Variants in FOCAD observed in about 807,000 individuals in gnomAD.
FOCAD encodes focadhesin, also known as KIAA1797.
A neutral mutation model predicts 225.6 loss-of-function variants in FOCAD; 198 were observed. That is an observed-to-expected ratio of 0.88 (90% confidence interval 0.78 to 0.99). The LOEUF is 0.99. Among genes scored for constraint, FOCAD ranks in the 50% least tolerant of loss-of-function variants. The pLI is 0.00. For missense variants in FOCAD, 2,713 were observed against 2,123.6 expected, an observed-to-expected ratio of 1.28 and a Z score of -5.46; for synonymous variants, 897 against 755.0, an observed-to-expected ratio of 1.19 and a Z score of -3.08.
At chr9:20,805,666 A>G (rs1348330793) in intron 11 of FOCAD, among the ~76,000 whole-genome samples, 3 of 152,306 alleles carry the variant, frequency 2.0e-5, no homozygotes, top group East Asian at 1.9e-4. Context: ...GTGAATAAGC[A>G]TATAAATTCT....
chr9:20,695,747 T>C (rs531987714), intron 1 of FOCAD, among the ~76,000 whole-genome samples: 30 of 152,346 alleles, frequency 2.0e-4, no homozygotes, highest in African/African-American at 6.3e-4. Context: ...GGGATAAGTA[T>C]GGCTTAGAGG....
At chr9:20,662,646 G>A (rs952370655) in intron 2 of FOCAD, among the ~76,000 whole-genome samples, 4 of 151,534 alleles carry the variant, frequency 2.6e-5, no homozygotes, top group African/African-American at 7.3e-5. Flanking sequence ...TTTTTTAGAG[G>A]TGGGGGTCTC....
Position 20,708,437 on chromosome 9 carries a change from G to T in FOCAD, c.-32-6885G>T, listed in dbSNP as rs186656036. Among the ~76,000 whole-genome samples the T allele has an allele frequency of 2.2e-3, 336 of 152,182 alleles. 1 individual carries two copies. Among genetic ancestry groups the T allele is most frequent in the African/African-American group, 7.6e-3 (317 of 41,520 alleles). Reference sequence around the variant, plus strand: ...TTTTTTTATCAGCCATTTTATCAGTGTGCTGATGATACTGCTCCTGTAAAC... The same window carrying T: ...TTTTTTTATCAGCCATTTTATCAGTTTGCTGATGATACTGCTCCTGTAAAC... On this transcript the variant is annotated intron_variant, in intron 1 of 43. Transcript: ENST00000338382.
chr9:20,804,430 G>A (rs1045826177), intron 11 of FOCAD, among the ~76,000 whole-genome samples: 1 of 151,924 alleles, frequency 6.6e-6, no homozygotes, highest in Non-Finnish European at 1.5e-5. Flanking sequence ...TCAGACAATG[G>A]TCTGCAAAAT....
rs185294335 is a variant in FOCAD at position 20,671,883 on chromosome 9, A to C, written c.-78+13057A>C. ...ACAGGCTCCTGAGAGCTAATTGTGTACACCTCTTTCAAATTCCATATTCAG... is the reference window on the plus strand; with the variant it reads ...ACAGGCTCCTGAGAGCTAATTGTGTCCACCTCTTTCAAATTCCATATTCAG... On this transcript the variant is annotated intron_variant, in intron 2 of 45. Coordinates refer to the FOCAD transcript ENST00000380249. 4.9e-4 allele frequency among the ~76,000 whole-genome samples: 75 copies of C among 152,256 alleles called. No homozygotes were observed. In the East Asian group the frequency reaches 9.7e-3, roughly 20 times the overall value.
In FOCAD at chr9:20,777,505, C is replaced by T. The variant is rs1303780767; in HGVS notation, c.907-1176C>T. Among the ~76,000 whole-genome samples the T allele has an allele frequency of 2.0e-5, 3 of 151,960 alleles. No individual in the cohort carries two copies. In the East Asian group the frequency reaches 5.8e-4, roughly 29 times the overall value. On this transcript the variant is annotated intron_variant, in intron 8 of 43. Coordinates refer to ENST00000338382, the MANE Select transcript of FOCAD (RefSeq NM_001375567.1). The stretch of plus-strand genomic sequence containing the variant: ...AATATTTATTAAAACCTAATATACA[C>T]ATCTTTTTTTCATTTTGTTTATATA...
chr9:20,880,251 G>A (rs1246072209), intron 19 of FOCAD, among the ~76,000 whole-genome samples: 1 of 152,156 alleles, frequency 6.6e-6, no homozygotes, highest in Admixed American at 6.5e-5. Context: ...CACAAGAGAT[G>A]GTAAACCGTC....
intron 8 of FOCAD, among the ~76,000 whole-genome samples, chr9:20,775,492 C>T (rs1036791120): frequency 1.3e-5 from 2 of 152,090 alleles, no homozygotes; most frequent in Admixed American, 1.3e-4. Context: ...TCTGTTTGGC[C>T]CATCTTGGCT....
At chr9:20,986,685 G>GT (rs1841201895) in intron 40 of FOCAD, among the ~76,000 whole-genome samples, 1 of 152,108 alleles carries the variant, frequency 6.6e-6, no homozygotes, top group Non-Finnish European at 1.5e-5. Flanking sequence ...GAGGGGTTTT[G>GT]TTTTCTATTT....
intron 2 of FOCAD, chr9:20,715,969 A>G: frequency 4.5e-6 from 1 of 221,126 alleles, no homozygotes; most frequent in South Asian, 7.5e-5. Context: ...TGGTTAATCA[A>G]GGTATCATAA....
chr9:20,906,001 G>A (rs1832938707), intron 21 of FOCAD, among the ~76,000 whole-genome samples: 1 of 149,176 alleles, frequency 6.7e-6, no homozygotes, highest in South Asian at 2.1e-4. Flanking sequence ...TAATCTCTTT[G>A]TTCTTTTTAT....
chr9:20,972,333 C>G (rs532064234), intron 35 of FOCAD, among the ~76,000 whole-genome samples: 87 of 152,142 alleles, frequency 5.7e-4, no homozygotes, highest in African/African-American at 1.8e-3. Context: ...CAAATAGGTT[C>G]TAATAGGTAT....
At chr9:20,988,536 A>C (rs1468505674) in intron 41 of FOCAD, 107 bp downstream of exon 41, 3 of 289,720 alleles carry the variant, frequency 1.0e-5, no homozygotes, top group African/African-American at 2.3e-5. Context: ...AACTGCAATT[A>C]CTTTTGCACC....
intron 19 of FOCAD, among the ~76,000 whole-genome samples, chr9:20,879,171 C>T (rs930004706): frequency 6.6e-6 from 1 of 152,156 alleles, no homozygotes; most frequent in Admixed American, 6.6e-5. Context: ...AAGTTCACCC[C>T]TTGTCAACTG....
chr9:20,798,958 C>G (rs964297888), intron 11 of FOCAD, among the ~76,000 whole-genome samples: 1 of 152,150 alleles, frequency 6.6e-6, no homozygotes, highest in East Asian at 1.9e-4. Flanking sequence ...AATTTTAGAT[C>G]TTTCCTGCTT....
At chr9:20,921,357 A>G (rs533632352) in intron 24 of FOCAD, among the ~76,000 whole-genome samples, 127 of 152,324 alleles carry the variant, frequency 8.3e-4, no homozygotes, top group African/African-American at 2.8e-3. Context: ...GCCTAGATAA[A>G]TACTCTGTGG....
upstream of FOCAD, among the ~76,000 whole-genome samples, chr9:20,657,779 A>G (rs201166629): frequency 5.2e-3 from 269 of 51,700 alleles, 5 homozygotes; most frequent in Middle Eastern, 0.019. Flanking sequence ...CTCTCAGCTC[A>G]TCAAAGTCAT....
At chr9:20,962,610 A>C (rs563679789) in intron 35 of FOCAD, among the ~76,000 whole-genome samples, 3 of 152,312 alleles carry the variant, frequency 2.0e-5, no homozygotes, top group Middle Eastern at 6.8e-3. Context: ...TAAGGATTAC[A>C]CATGTGAATT....
At chr9:20,765,118 A>G (rs1829948246) in intron 7 of FOCAD, 45 bp downstream of exon 7, 2 of 1,531,544 alleles carry the variant, frequency 1.3e-6, no homozygotes, top group Non-Finnish European at 1.8e-6. Flanking sequence ...AGCATCAGTA[A>G]GTGTTGTTAT....
Sources: allele counts gnomAD v4.1 joint callset (sites outside exome capture counted in the v4.1 genomes callset), GRCh38; gene constraint gnomAD v4.1.1; transcripts MANE v1.5; gene names NCBI Gene and HGNC (gene_info 2026-07-23, HGNC 2026-07-21).